The following ANKRD54 variants were observed in gnomAD, a reference collection of about 807,000 sequenced individuals.
ANKRD54 encodes the protein ankyrin repeat domain 54, also known as ankyrin repeat domain-containing protein 54.
Under a neutral mutation model 36.2 loss-of-function variants are expected in ANKRD54, and 26 were observed. The observed-to-expected ratio is 0.72, with a 90% confidence interval of 0.53 to 1.00. The LOEUF (loss-of-function observed/expected upper bound fraction) is 1.00. Ranked by LOEUF, ANKRD54 falls within the 50% of genes least tolerant of loss-of-function variation. The pLI is 0.00. For synonymous variants in ANKRD54, 209 were observed against 188.4 expected, an observed-to-expected ratio of 1.11 and a Z score of -0.89; for missense variants, 384 against 424.3, an observed-to-expected ratio of 0.91 and a Z score of 0.83.
chr22:37,836,437 A>C (rs1459505307), intron 3 of ANKRD54, among the ~76,000 whole-genome samples: 1 of 137,270 alleles, frequency 7.3e-6, no homozygotes, highest in African/African-American at 2.8e-5. Context: ...CAAAGAGTGA[A>C]ACTCTGTCTC....
chr22:37,841,500 C>A (rs1055158770), intron 1 of ANKRD54, among the ~76,000 whole-genome samples: 1 of 146,750 alleles, frequency 6.8e-6, no homozygotes, highest in Non-Finnish European at 1.5e-5. Flanking sequence ...TACTCCAGCT[C>A]GGGCAACAGA....
upstream of ANKRD54, among the ~76,000 whole-genome samples, chr22:37,847,199 G>A (rs1353696633): frequency 7.1e-6 from 1 of 141,438 alleles, no homozygotes; most frequent in East Asian, 2.2e-4. Context: ...TTTTGCTCTT[G>A]TTGCCCAGGC....
At chr22:37,833,386 C>T (rs367690028) in intron 4 of ANKRD54, among the ~76,000 whole-genome samples, 180 bp from the exon 5 acceptor site, 10 of 152,154 alleles carry the variant, frequency 6.6e-5, no homozygotes, top group African/African-American at 2.2e-4. Flanking sequence ...CCTCCCTGTA[C>T]AGCAGAGGAA....
At chr22:37,836,754 C>T (rs1042343252) in intron 3 of ANKRD54, among the ~76,000 whole-genome samples, 1 of 151,352 alleles carries the variant, frequency 6.6e-6, no homozygotes, top group Non-Finnish European at 1.5e-5. Flanking sequence ...ATGGCCCGGG[C>T]ATGGTGGCTC....
chr22:37,846,190 A>G (rs909178664), upstream of ANKRD54, among the ~76,000 whole-genome samples: 11 of 152,278 alleles, frequency 7.2e-5, no homozygotes, highest in African/African-American at 2.4e-4. Context: ...GAAAAAAAAA[A>G]GTAATCTTTC....
At chr22:37,847,747 A>C (rs551625430), upstream of ANKRD54, 9 of 411,472 alleles carry the variant, frequency 2.2e-5, no homozygotes, top group Non-Finnish European at 3.9e-5. Context: ...GGTTCAGGGA[A>C]GGTCCTGAAC....
At chr22:37,847,687 C>T (rs1213116708), upstream of ANKRD54, 3 of 485,498 alleles carry the variant, frequency 6.2e-6, no homozygotes, top group Non-Finnish European at 1.2e-5. Context: ...ACCATGAGGA[C>T]ATTGTTGGGG....
chr22:37,840,716 T>A (rs1924126203), intron 1 of ANKRD54, among the ~76,000 whole-genome samples: 1 of 151,200 alleles, frequency 6.6e-6, no homozygotes, highest in South Asian at 2.1e-4. Context: ...TGAAACCCCA[T>A]CTCTACTAAA....
At position 37,835,189 on chromosome 22, in the gene ANKRD54, C is replaced by T. The variant is rs139646887; in HGVS notation, c.476-1434G>A. ...ACCAGCCTGACCAACATGGTGAAAT[C>T]CCATCTCTACTAAAAATAAAAAATT... is the stretch of plus-strand genomic sequence containing the variant. On this transcript the variant is annotated intron_variant, in intron 3 of 7. Coordinates refer to ENST00000215941, the MANE Select transcript of ANKRD54 (RefSeq NM_138797.4). 1.6e-4 allele frequency among the ~76,000 whole-genome samples: 25 copies of T among 151,996 alleles called. No homozygotes were observed. The East Asian group carries it at 4.9e-3, about 30-fold the overall frequency.
rs373442937 is a variant in ANKRD54, at chr22:37,840,250, C to T, written c.329-16G>A. ...CTCTTCAGAGCTGTAAAGAGAGTAACGGATGCCAGTTTAAAAAAACAGCCA... is the reference window on the plus strand; with the variant it reads ...CTCTTCAGAGCTGTAAAGAGAGTAATGGATGCCAGTTTAAAAAAACAGCCA... On this transcript the variant is annotated splice_polypyrimidine_tract_variant and intron_variant, in intron 1 of 7. Coordinates refer to ENST00000215941, the MANE Select transcript of ANKRD54 (RefSeq NM_138797.4). 151 of 1,613,610 alleles carry T rather than the reference C, an allele frequency of 9.4e-5. 1 individual carries two copies. Among genetic ancestry groups the T allele is most frequent in the South Asian group, 7.4e-4 (67 of 91,084 alleles).
At chr22:37,835,834 T>G (rs886377362) in intron 3 of ANKRD54, among the ~76,000 whole-genome samples, 2 of 151,928 alleles carry the variant, frequency 1.3e-5, no homozygotes, top group Non-Finnish European at 2.9e-5. Flanking sequence ...AAAACTAGTT[T>G]TTTTTGTTTG....
rs773559740 is a variant in ANKRD54, at chr22:37,832,664, G to A, written c.801C>T (p.Arg267=). 83 of 1,614,132 alleles carry A rather than the reference G, an allele frequency of 5.1e-5. No homozygotes were observed. The highest frequency in any genetic ancestry group is 6.4e-5 in the Non-Finnish European group (76 of 1,180,022). Residue 267 remains arginine (R), a synonymous_variant, in exon 7 of 8, where the codon CGC becomes CGT. Coordinates refer to ENST00000215941, the MANE Select transcript of ANKRD54 (RefSeq NM_138797.4). ...QRERLDDLCT[R]LQMTSTKEQV... is the part of the protein sequence containing the mutation. ...GCTCTTTGGTACTGGTCATCTGCAG[G>A]CGGGTGCAGAGGTCATCCAGGCGTT...
Position 37,843,315 on chromosome 22 carries a change from C to A in ANKRD54, c.328+596G>T, listed in dbSNP as rs1924512240. On this transcript the variant is annotated intron_variant, in intron 1 of 7. Coordinates refer to ENST00000215941, the MANE Select transcript of ANKRD54 (RefSeq NM_138797.4). ...GTGGGCGCCTGTAACCCCAGCTACT[C>A]GGGAGGCTGAGGCAGGAGAATCGCT... 2.0e-5 allele frequency among the ~76,000 whole-genome samples: 3 copies of A among 151,974 alleles called. No homozygotes were observed. The South Asian group carries it at 6.2e-4, about 32-fold the overall frequency.
Position 37,831,156 on chromosome 22 carries a change from G to C in ANKRD54, c.*787C>G, listed in dbSNP as rs1213589448. On this transcript the variant is annotated 3_prime_UTR_variant, in exon 8 of 8. Coordinates refer to ENST00000215941, the MANE Select transcript of ANKRD54 (RefSeq NM_138797.4). ...AACAAGCTGGGATAATCTTCCTGGC[G>C]AAAGATCCTTAACTTCATTACATCT... The C allele has an allele frequency of 6.6e-6, 1 of 152,286 alleles. No homozygotes were observed. The highest frequency in any genetic ancestry group is 2.1e-4 in the South Asian group (1 of 4,826). 9.4% of individuals were successfully genotyped at this position (152,286 alleles called of 1,614,324 possible).
rs138041109 is a variant in ANKRD54 at position 37,833,299 on chromosome 22, G to T, written c.548-93C>A. On this transcript the variant is annotated intron_variant, in intron 4 of 7. Coordinates refer to ENST00000215941, the MANE Select transcript of ANKRD54 (RefSeq NM_138797.4). ...GGGAGCAGGGCTGTGTCTCCCAGACGCCTGTGCCAAGTTATGCCTACTGAG... is the reference window on the plus strand; with the variant it reads ...GGGAGCAGGGCTGTGTCTCCCAGACTCCTGTGCCAAGTTATGCCTACTGAG... 4 of 1,505,930 alleles carry T rather than the reference G, an allele frequency of 2.7e-6. No individual in the cohort carries two copies. The Admixed American group carries it at 5.8e-5, about 22-fold the overall frequency. 93.3% of individuals were successfully genotyped at this position (1,505,930 alleles called of 1,614,324 possible). A position where few individuals can be genotyped will look rare whatever the true frequency, so the allele number is the denominator to read the frequency against.
In ANKRD54 at chr22:37,844,002, G is replaced by A; in HGVS notation, c.237C>T (p.Arg79=). Residue 79 remains arginine, a synonymous_variant, in exon 1 of 8, where the codon CGC becomes CGT. Transcript: ENST00000215941. The part of the protein sequence containing the change: ...HVLWQQDAEP[R]DELRCKIPAG... ...CGGGTATCTTGCAGCGCAGCTCGTC[G>A]CGCGGCTCCGCATCCTGCTGCCACA... 2 of 1,425,010 alleles carry A rather than the reference G, an allele frequency of 1.4e-6. No individual in the cohort carries two copies. Among genetic ancestry groups the A allele is most frequent in the Non-Finnish European group, 1.8e-6 (2 of 1,094,058 alleles). 88.3% of individuals were successfully genotyped at this position (1,425,010 alleles called of 1,614,324 possible). A position where few individuals can be genotyped will look rare whatever the true frequency, so the allele number is the denominator to read the frequency against.
chr22:37,849,261 G>T (rs1029945045), upstream of ANKRD54: 4 of 677,302 alleles, frequency 5.9e-6, no homozygotes, highest in East Asian at 2.8e-5. Context: ...CAAACTGGTG[G>T]GGTTACAGGT....
In ANKRD54 at chr22:37,831,915, G is replaced by A. The variant is rs762067816; in HGVS notation, c.*28C>T. The A allele has an allele frequency of 6.8e-6, 11 of 1,610,444 alleles. No individual in the cohort carries two copies. Among genetic ancestry groups the A allele is most frequent in the Admixed American group, 1.7e-5 (1 of 59,808 alleles). On this transcript the variant is annotated 3_prime_UTR_variant, in exon 8 of 8. Transcript: ENST00000215941. Reference sequence around the variant, plus strand: ...GACAGCAGTGGGGCAGGGTGGGGCAGTGGCAGGAAGGCAGGGAGCCTCTCT... The same window carrying A: ...GACAGCAGTGGGGCAGGGTGGGGCAATGGCAGGAAGGCAGGGAGCCTCTCT...
At chr22:37,836,605 A>G (rs1404875825) in intron 3 of ANKRD54, among the ~76,000 whole-genome samples, 1 of 151,920 alleles carries the variant, frequency 6.6e-6, no homozygotes, top group Non-Finnish European at 1.5e-5. Context: ...GCATTAGGAC[A>G]AATACCTAAT....
Sources: allele counts gnomAD v4.1 joint callset (sites outside exome capture counted in the v4.1 genomes callset), GRCh38; gene constraint gnomAD v4.1.1; transcripts MANE v1.5; gene names NCBI Gene and HGNC (gene_info 2026-07-23, HGNC 2026-07-21).